LRRTM4: variants seen among roughly 807,000 people sequenced by gnomAD.
The protein encoded by LRRTM4 is leucine-rich repeat transmembrane neuronal protein 4.
A neutral mutation model predicts 47.6 loss-of-function variants in LRRTM4; 25 were observed. That is an observed-to-expected ratio of 0.53 (90% confidence interval 0.38 to 0.73). The LOEUF (loss-of-function observed/expected upper bound fraction) is 0.73, where lower values mean the gene tolerates loss of function less well. Ranked by LOEUF, LRRTM4 falls within the 30% of genes least tolerant of loss-of-function variation. The pLI is 0.00. For synonymous variants in LRRTM4, 311 were observed against 269.5 expected (o/e 1.15, Z -1.51); for missense variants, 638 against 713.4 (o/e 0.89, Z 1.20).
intron 3 of LRRTM4, among the ~76,000 whole-genome samples, chr2:77,422,751 G>C (rs1313012828): frequency 6.6e-6 from 1 of 151,984 alleles, no homozygotes; most frequent in Non-Finnish European, 1.5e-5. Context: ...AATTGTTACA[G>C]GAATATGGTA....
At chr2:76,808,374 G>A (rs984717437) in intron 3 of LRRTM4, among the ~76,000 whole-genome samples, 8 of 150,442 alleles carry the variant, frequency 5.3e-5, no homozygotes, top group Admixed American at 1.3e-4. Flanking sequence ...TACCTATAAT[G>A]TTCATTCATT....
intron 3 of LRRTM4, among the ~76,000 whole-genome samples, chr2:76,755,196 T>A (rs569788562): frequency 6.6e-6 from 1 of 152,150 alleles, no homozygotes; most frequent in Non-Finnish European, 1.5e-5. Flanking sequence ...ATACTTACAA[T>A]GTTCAATATT....
chr2:77,113,535 G>C (rs1166232437), intron 3 of LRRTM4, among the ~76,000 whole-genome samples: 16 of 152,150 alleles, frequency 1.1e-4, no homozygotes, highest in Admixed American at 9.2e-4. Flanking sequence ...AGTTTCAAGA[G>C]TAGGCACCTG....
intron 3 of LRRTM4, among the ~76,000 whole-genome samples, chr2:77,270,322 C>T (rs1205708999): frequency 6.6e-6 from 1 of 152,012 alleles, no homozygotes; most frequent in Non-Finnish European, 1.5e-5. Context: ...GAAATTGTAT[C>T]CTCTTGCCCT....
At chr2:77,161,874 C>T (rs1031133509) in intron 3 of LRRTM4, among the ~76,000 whole-genome samples, 1 of 152,022 alleles carries the variant, frequency 6.6e-6, no homozygotes, top group Admixed American at 6.6e-5. Flanking sequence ...TTGTCTAGTG[C>T]AATTAGTTGA....
intron 3 of LRRTM4, among the ~76,000 whole-genome samples, chr2:77,319,344 G>A (rs1677720998): frequency 6.6e-6 from 1 of 151,562 alleles, no homozygotes. Flanking sequence ...CCGAGATCGC[G>A]CCACTGCATT....
chr2:77,191,909 T>C (rs1673680198), intron 3 of LRRTM4, among the ~76,000 whole-genome samples: 1 of 151,986 alleles, frequency 6.6e-6, no homozygotes, highest in Non-Finnish European at 1.5e-5. Flanking sequence ...CCCTAAACTT[T>C]ACAGGACAAG....
intron 3 of LRRTM4, among the ~76,000 whole-genome samples, chr2:76,906,700 G>C (rs7575881): frequency 0.35 from 51,711 of 148,208 alleles, 9,243 homozygotes; most frequent in East Asian, 0.7. Flanking sequence ...TGCAATCCTA[G>C]TCTCTGATAA....
chr2:76,807,432 ATATACG>A (rs1307573478), intron 3 of LRRTM4, among the ~76,000 whole-genome samples: 11,257 of 107,542 alleles, frequency 0.1, 1,047 homozygotes, highest in East Asian at 0.29. Context: ...ATACATATAT[ATATACG>A]TATATACATA....
chr2:77,264,816 A>C (rs1180851432), intron 3 of LRRTM4, among the ~76,000 whole-genome samples: 2 of 152,160 alleles, frequency 1.3e-5, no homozygotes, highest in African/African-American at 4.8e-5. Context: ...TGCTGTACTA[A>C]TAAGAATTGC....
intron 3 of LRRTM4, among the ~76,000 whole-genome samples, chr2:77,319,638 T>C (rs1558686643): frequency 6.6e-6 from 1 of 152,158 alleles, no homozygotes; most frequent in African/African-American, 2.4e-5. Flanking sequence ...TGGGAGTAAA[T>C]ATCTCAGATT....
intron 3 of LRRTM4, among the ~76,000 whole-genome samples, chr2:76,906,092 G>C (rs550776059): frequency 5.1e-4 from 77 of 152,306 alleles, no homozygotes; most frequent in African/African-American, 1.9e-3. Context: ...AGGGCAGCCA[G>C]AGAGAAAGGT....
At chr2:77,177,385 G>A (rs543154854) in intron 3 of LRRTM4, among the ~76,000 whole-genome samples, 2 of 152,234 alleles carry the variant, frequency 1.3e-5, no homozygotes, top group South Asian at 2.1e-4. Flanking sequence ...TTAGGACCAC[G>A]TTTAGAAAAA....
At chr2:76,806,196 A>G (rs6754541) in intron 3 of LRRTM4, among the ~76,000 whole-genome samples, 45,737 of 152,094 alleles carry the variant, frequency 0.3, 7,936 homozygotes, top group East Asian at 0.58. Context: ...TAAACAAATA[A>G]CTAGGCACTC....
chr2:77,043,022 C>A (rs773518785), intron 3 of LRRTM4, among the ~76,000 whole-genome samples: 2 of 151,698 alleles, frequency 1.3e-5, no homozygotes, highest in Admixed American at 6.6e-5. Context: ...TGCTGGGACT[C>A]GTGAGATTTA....
At chr2:77,127,701 A>C (rs1036190091) in intron 3 of LRRTM4, among the ~76,000 whole-genome samples, 9 of 152,172 alleles carry the variant, frequency 5.9e-5, no homozygotes, top group African/African-American at 1.9e-4. Context: ...GACAAGAACA[A>C]GTCTCCTGAA....
intron 3 of LRRTM4, among the ~76,000 whole-genome samples, chr2:76,832,470 T>C (rs1193949891): frequency 2.0e-5 from 3 of 149,468 alleles, no homozygotes; most frequent in Non-Finnish European, 3.0e-5. Flanking sequence ...TTTTTTTTTT[T>C]TTTTTTTGTC....
chr2:77,426,385 C>A (rs1270274689), intron 3 of LRRTM4, among the ~76,000 whole-genome samples: 3 of 152,114 alleles, frequency 2.0e-5, no homozygotes, highest in Admixed American at 1.3e-4. Flanking sequence ...GCTATAATTC[C>A]ATCACATTGA....
chr2:77,515,732 A>T (rs1033939415), intron 3 of LRRTM4, among the ~76,000 whole-genome samples: 11 of 151,962 alleles, frequency 7.2e-5, no homozygotes, highest in South Asian at 2.1e-4. Context: ...CTATTCCAAA[A>T]ACATTGTAAA....
Sources: gnomAD v4.1 joint callset for allele counts (sites outside exome capture counted in the v4.1 genomes callset) on GRCh38, gnomAD v4.1.1 for gene constraint, MANE v1.5 for transcripts, NCBI Gene and HGNC (gene_info 2026-07-23, HGNC 2026-07-21) for gene names.